Variants in KCNH7 observed in about 807,000 individuals in gnomAD.
KCNH7 encodes potassium voltage-gated channel subfamily H member 7.
KCNH7 carries 49 observed loss-of-function variants against 120.8 expected under a neutral mutation model. The ratio of observed to expected loss-of-function variants is 0.41; its 90% CI spans 0.32 to 0.51. KCNH7 has a LOEUF of 0.51. Among genes scored for constraint, KCNH7 ranks in the 20% least tolerant of loss-of-function variants. The probability of loss-of-function intolerance (pLI) is 0.38; values close to 1 mark genes in which losing one functional copy is unlikely to be tolerated. For synonymous variants in KCNH7, 547 were observed against 516.1 expected, an observed-to-expected ratio of 1.06 and a Z score of -0.81; for missense variants, 1,097 against 1,446.6, an observed-to-expected ratio of 0.76 and a Z score of 3.92.
At chr2:162,746,749 A>G (rs1173373604) in intron 2 of KCNH7, among the ~76,000 whole-genome samples, 1 of 152,168 alleles carries the variant, frequency 6.6e-6, no homozygotes, top group African/African-American at 2.4e-5. Context: ...GCTTATTTTT[A>G]TTTCTGCAAA....
At position 162,373,516 on chromosome 2, in the gene KCNH7, G is replaced by A. The variant is rs745510969; in HGVS notation, c.3278C>T (p.Pro1093Leu). 1.3e-5 allele frequency: 20 copies of A among 1,575,794 alleles called. No individual in the cohort carries two copies. The highest frequency in any genetic ancestry group is 2.4e-5 in the East Asian group (1 of 42,086). Residue 1093 changes from proline (P) to leucine (L), a missense_variant, in exon 15 of 16, where the codon CCG (proline) becomes CTG (leucine). Coordinates refer to ENST00000332142, the MANE Select transcript of KCNH7 (RefSeq NM_033272.4). ...PIIQLMRTSQ[P>L]EASIKTDRSF... ...TCGGTCAGTTTTGATGGATGCTTCCGGTTGACTGGTTCTCATCAGCTGGAT... is the reference window on the plus strand; with the variant it reads ...TCGGTCAGTTTTGATGGATGCTTCCAGTTGACTGGTTCTCATCAGCTGGAT...
At chr2:162,739,625 G>C (rs940853499) in intron 2 of KCNH7, among the ~76,000 whole-genome samples, 1 of 152,144 alleles carries the variant, frequency 6.6e-6, no homozygotes, top group Admixed American at 6.5e-5. Context: ...TAGAGGCTGG[G>C]ACCTGCAGTG....
At chr2:162,449,742 C>T (rs1213812560) in intron 6 of KCNH7, among the ~76,000 whole-genome samples, 1 of 152,036 alleles carries the variant, frequency 6.6e-6, no homozygotes. Context: ...AGGAAACAAC[C>T]TTGCCCACAT....
chr2:162,459,889 A>G (rs1040145741), intron 6 of KCNH7, among the ~76,000 whole-genome samples: 1 of 151,876 alleles, frequency 6.6e-6, no homozygotes, highest in African/African-American at 2.4e-5. Flanking sequence ...AGGTCAAGAG[A>G]TTGAGACCAT....
At chr2:162,526,352 A>G (rs1300002763) in intron 3 of KCNH7, among the ~76,000 whole-genome samples, 1 of 151,890 alleles carries the variant, frequency 6.6e-6, no homozygotes, top group Non-Finnish European at 1.5e-5. Flanking sequence ...TTATCAGGAG[A>G]CAGGGTTTGA....
At chr2:162,412,761 C>T (rs774671129) in intron 9 of KCNH7, among the ~76,000 whole-genome samples, 19 of 152,040 alleles carry the variant, frequency 1.2e-4, no homozygotes, top group Non-Finnish European at 2.6e-4. Context: ...GTTTAATGAC[C>T]GAAAGAGATT....
chr2:162,373,228 T>A (rs1401809507), intron 15 of KCNH7, among the ~76,000 whole-genome samples: 2 of 152,026 alleles, frequency 1.3e-5, no homozygotes, highest in Non-Finnish European at 2.9e-5. Context: ...TTAAAAAAAA[T>A]GCTAATGTTT....
intron 2 of KCNH7, among the ~76,000 whole-genome samples, chr2:162,668,662 T>C (rs1685231946): frequency 6.6e-6 from 1 of 152,110 alleles, no homozygotes; most frequent in African/African-American, 2.4e-5. Context: ...GATAAAGTTA[T>C]ATTGACTATG....
chr2:162,376,281 G>A (rs762123134), intron 14 of KCNH7, among the ~76,000 whole-genome samples: 1 of 152,040 alleles, frequency 6.6e-6, no homozygotes, highest in Non-Finnish European at 1.5e-5. Context: ...CTAGAGGCAT[G>A]CAGATAAATT....
chr2:162,780,529 T>C (rs554965220), intron 2 of KCNH7, among the ~76,000 whole-genome samples: 4 of 152,230 alleles, frequency 2.6e-5, no homozygotes, highest in Admixed American at 2.6e-4. Context: ...GGGCAGAAAA[T>C]ATTATTAAAG....
At chr2:162,426,608 C>T (rs1687873224) in intron 8 of KCNH7, among the ~76,000 whole-genome samples, 1 of 151,950 alleles carries the variant, frequency 6.6e-6, no homozygotes, top group Non-Finnish European at 1.5e-5. Flanking sequence ...ATATGCTGAC[C>T]ATACTAATAT....
intron 2 of KCNH7, among the ~76,000 whole-genome samples, chr2:162,622,526 T>C (rs936635319): frequency 2.0e-5 from 3 of 152,216 alleles, no homozygotes; most frequent in Non-Finnish European, 4.4e-5. Context: ...AGTAGCCACA[T>C]GCCAAAGGAT....
intron 7 of KCNH7, among the ~76,000 whole-genome samples, chr2:162,441,965 A>G (rs1688427595): frequency 7.1e-6 from 1 of 140,116 alleles, no homozygotes; most frequent in Non-Finnish European, 1.5e-5. Context: ...GTGATTTGTA[A>G]CCATGTGAGA....
intron 3 of KCNH7, among the ~76,000 whole-genome samples, chr2:162,521,586 A>G (rs1020596035): frequency 1.3e-5 from 2 of 151,896 alleles, no homozygotes; most frequent in Non-Finnish European, 2.9e-5. Context: ...GACACAAATC[A>G]TTGCAATAGA....
intron 2 of KCNH7, among the ~76,000 whole-genome samples, chr2:162,722,229 T>C (rs1041064606): frequency 6.6e-6 from 1 of 152,040 alleles, no homozygotes; most frequent in Non-Finnish European, 1.5e-5. Flanking sequence ...TTAAGGTAGA[T>C]ATAGTGATGA....
intron 5 of KCNH7, among the ~76,000 whole-genome samples, chr2:162,511,739 T>C (rs1245684111): frequency 2.0e-5 from 3 of 151,696 alleles, no homozygotes; most frequent in Non-Finnish European, 4.4e-5. Context: ...ATATACAAAA[T>C]TGCACAGTGG....
At chr2:162,655,122 G>T (rs143177229) in intron 2 of KCNH7, among the ~76,000 whole-genome samples, 3 of 152,144 alleles carry the variant, frequency 2.0e-5, no homozygotes, top group African/African-American at 7.2e-5. Context: ...TAAGAGAGTA[G>T]ATTTTGTGTT....
At chr2:162,440,669 A>G (rs575226935) in intron 7 of KCNH7, among the ~76,000 whole-genome samples, 1 of 152,158 alleles carries the variant, frequency 6.6e-6, no homozygotes, top group East Asian at 1.9e-4. Context: ...CCTCACAAAT[A>G]CTTCTAAAGT....
intron 6 of KCNH7, among the ~76,000 whole-genome samples, chr2:162,491,572 C>A (rs544860764): frequency 6.6e-6 from 1 of 152,162 alleles, no homozygotes; most frequent in Non-Finnish European, 1.5e-5. Context: ...AAGTTACCAA[C>A]AGCAGGAAGG....
Sources: gnomAD v4.1 joint callset for allele counts (sites outside exome capture counted in the v4.1 genomes callset) on GRCh38, gnomAD v4.1.1 for gene constraint, MANE v1.5 for transcripts, NCBI Gene and HGNC (gene_info 2026-07-23, HGNC 2026-07-21) for gene names.